Variants in MPPED2 observed in about 807,000 individuals in gnomAD.
The protein encoded by MPPED2 is metallophosphoesterase domain containing 2.
Under a neutral mutation model 33.0 loss-of-function variants are expected in MPPED2, and 5 were observed. That is an observed-to-expected ratio of 0.15 (90% CI 0.08 to 0.32). MPPED2 has a LOEUF of 0.32. Among genes scored for constraint, MPPED2 ranks in the 10% least tolerant of loss-of-function variants. The pLI is 1.00. For missense variants in MPPED2, 275 were observed against 372.1 expected (o/e 0.74, Z 2.15); for synonymous variants, 136 against 141.9 (o/e 0.96, Z 0.29).
chr11:30,399,488 T>C (rs1379881135), intron 6 of MPPED2, among the ~76,000 whole-genome samples: 3 of 152,242 alleles, frequency 2.0e-5, no homozygotes, highest in South Asian at 2.1e-4. Context: ...TCCTCTGGAA[T>C]GTTGGCAGGC....
chr11:30,542,028 A>G (rs143760541), intron 2 of MPPED2, among the ~76,000 whole-genome samples: 7 of 152,366 alleles, frequency 4.6e-5, no homozygotes, highest in African/African-American at 1.4e-4. Flanking sequence ...TTTGATAAAG[A>G]CAAGTAAAAC....
intron 3 of MPPED2, among the ~76,000 whole-genome samples, chr11:30,519,776 C>T (rs1440673735): frequency 6.6e-6 from 1 of 152,038 alleles, no homozygotes; most frequent in Non-Finnish European, 1.5e-5. Flanking sequence ...ACTATTACTA[C>T]CACTACCATC....
intron 6 of MPPED2, among the ~76,000 whole-genome samples, chr11:30,397,725 A>G (rs1316052396): frequency 6.6e-6 from 1 of 152,168 alleles, no homozygotes; most frequent in East Asian, 1.9e-4. Flanking sequence ...ATGAAGAAAC[A>G]GGCTCCAAGA....
chr11:30,414,466 A>C, intron 5 of MPPED2, 125 bp from the exon 6 acceptor site: 1 of 570,668 alleles, frequency 1.8e-6, no homozygotes, highest in South Asian at 2.7e-5. Context: ...CCTCTCCATT[A>C]AAGCTCACAA....
intron 4 of MPPED2, among the ~76,000 whole-genome samples, chr11:30,439,774 C>A (rs1419099212): frequency 2.6e-5 from 4 of 152,146 alleles, no homozygotes; most frequent in African/African-American, 2.4e-5. Context: ...TAATTTGTAA[C>A]CTGTTTTTTG....
chr11:30,456,626 C>G (rs1392295261), intron 4 of MPPED2, among the ~76,000 whole-genome samples: 2 of 152,026 alleles, frequency 1.3e-5, no homozygotes, highest in African/African-American at 2.4e-5. Context: ...GTTAGATAAA[C>G]TTTAAGCAAT....
At chr11:30,498,148 T>C (rs1293146169) in intron 3 of MPPED2, among the ~76,000 whole-genome samples, 1 of 151,986 alleles carries the variant, frequency 6.6e-6, no homozygotes, top group Non-Finnish European at 1.5e-5. Context: ...ATAGCAACAC[T>C]TTAAAATTGT....
chr11:30,429,469 G>A (rs1338347241), intron 4 of MPPED2, among the ~76,000 whole-genome samples: 1 of 152,150 alleles, frequency 6.6e-6, no homozygotes, highest in Non-Finnish European at 1.5e-5. Flanking sequence ...CTGCAAACTG[G>A]CAGTACACAC....
At chr11:30,524,642 A>G (rs1005964843) in intron 3 of MPPED2, among the ~76,000 whole-genome samples, 1 of 152,184 alleles carries the variant, frequency 6.6e-6, no homozygotes, top group Non-Finnish European at 1.5e-5. Context: ...GGGGGATTCC[A>G]GGAGAGATGA....
intron 2 of MPPED2, among the ~76,000 whole-genome samples, chr11:30,541,418 A>G (rs1955106321): frequency 6.6e-6 from 1 of 152,154 alleles, no homozygotes. Flanking sequence ...GTTTGTTGTG[A>G]CATGGATTTC....
chr11:30,405,230 C>T (rs184503215), downstream of MPPED2, among the ~76,000 whole-genome samples: 394 of 152,330 alleles, frequency 2.6e-3, 2 homozygotes, highest in African/African-American at 7.8e-3. Context: ...TCAGGATCTT[C>T]AACTGAAAAG....
chr11:30,384,113 C>T (rs149734467), downstream of MPPED2, among the ~76,000 whole-genome samples: 2 of 152,066 alleles, frequency 1.3e-5, no homozygotes, highest in Non-Finnish European at 2.9e-5. Context: ...CAAACATCTA[C>T]ATTGAGTGCC....
chr11:30,412,399 G>T (rs181836619), intron 6 of MPPED2, among the ~76,000 whole-genome samples: 68 of 152,032 alleles, frequency 4.5e-4, no homozygotes, highest in African/African-American at 1.6e-3. Context: ...ACATTTCCCT[G>T]AATACCTTAT....
chr11:30,429,344 T>TC (rs1421899953), intron 4 of MPPED2: 3 of 152,174 alleles, frequency 2.0e-5, no homozygotes, highest in Non-Finnish European at 4.4e-5. Flanking sequence ...GGAATTGGAA[T>TC]AAGTGACAAG....
At chr11:30,525,436 T>C (rs1416524816) in intron 3 of MPPED2, among the ~76,000 whole-genome samples, 1 of 152,220 alleles carries the variant, frequency 6.6e-6, no homozygotes, top group East Asian at 1.9e-4. Flanking sequence ...TGATACAATT[T>C]TCATACAGTA....
chr11:30,497,593 G>C (rs1164072987), intron 3 of MPPED2, among the ~76,000 whole-genome samples: 2 of 152,098 alleles, frequency 1.3e-5, no homozygotes, highest in African/African-American at 2.4e-5. Flanking sequence ...AGGAAGCCTG[G>C]GTTTCTCAAT....
At chr11:30,474,842 A>C (rs1340190457) in intron 4 of MPPED2, among the ~76,000 whole-genome samples, 1 of 152,154 alleles carries the variant, frequency 6.6e-6, no homozygotes, top group African/African-American at 2.4e-5. Flanking sequence ...TTTTGAGTTG[A>C]TGTCTTATTA....
intron 2 of MPPED2, among the ~76,000 whole-genome samples, chr11:30,564,609 C>T (rs1015221533): frequency 6.6e-6 from 1 of 152,186 alleles, no homozygotes; most frequent in Non-Finnish European, 1.5e-5. Context: ...TTCTGGAAAC[C>T]ACGTTCTTAA....
intron 3 of MPPED2, among the ~76,000 whole-genome samples, chr11:30,528,215 A>G (rs1462706939): frequency 6.6e-6 from 1 of 152,116 alleles, no homozygotes; most frequent in Non-Finnish European, 1.5e-5. Flanking sequence ...TGTGAGCTTT[A>G]TAGGATATAT....
Sources: allele counts gnomAD v4.1 joint callset (sites outside exome capture counted in the v4.1 genomes callset), GRCh38; gene constraint gnomAD v4.1.1; transcripts MANE v1.5; gene names NCBI Gene and HGNC (gene_info 2026-07-23, HGNC 2026-07-21).